The following FGD5 variants were observed in gnomAD, a reference collection of about 807,000 sequenced individuals.
FGD5 encodes the protein FYVE, RhoGEF and PH domain containing 5.
A neutral mutation model predicts 133.4 loss-of-function variants in FGD5; 28 were observed. That is an observed-to-expected ratio of 0.21 (90% CI 0.16 to 0.29). The LOEUF (loss-of-function observed/expected upper bound fraction) is 0.29, where lower values mean the gene tolerates loss of function less well. Among genes scored for constraint, FGD5 ranks in the 10% least tolerant of loss-of-function variants. The probability of loss-of-function intolerance (pLI) is 1.00; values close to 1 mark genes in which losing one functional copy is unlikely to be tolerated. For missense variants in FGD5, 1,858 were observed against 1,895.2 expected (o/e 0.98, Z 0.36); for synonymous variants, 810 against 776.5 (o/e 1.04, Z -0.72).
At chr3:14,929,803 C>T (rs1408134026) in intron 18 of FGD5, among the ~76,000 whole-genome samples, 1 of 152,122 alleles carries the variant, frequency 6.6e-6, no homozygotes, top group Non-Finnish European at 1.5e-5. Context: ...CTGTGGCTTC[C>T]CTGTTCATTT....
chr3:14,916,195 A>G (rs562329877), intron 11 of FGD5, among the ~76,000 whole-genome samples: 65 of 152,324 alleles, frequency 4.3e-4, no homozygotes, highest in African/African-American at 1.5e-3. Flanking sequence ...ACGATAAAGT[A>G]ATGGTGGTGG....
rs2038163998 is a variant in FGD5 at position 14,897,735 on chromosome 3, C to T, written c.2909+66C>T. On this transcript the variant is annotated intron_variant, in intron 5 of 19. Transcript: ENST00000285046. ...CTGGGGGAATGGAGACGGATAAAAA[C>T]ACCACCATATGAAATAGTATCTCCA... is the stretch of plus-strand genomic sequence containing the variant. The T allele has an allele frequency of 5.3e-6, 8 of 1,507,576 alleles. No homozygotes were observed. The South Asian group carries it at 8.9e-5, about 17-fold the overall frequency. The allele number at this position is 1,507,576 out of a possible 1,614,324, so 93.4% of individuals were successfully genotyped here.
intron 4 of FGD5, chr3:14,896,950 C>T (rs1428571924): frequency 6.6e-6 from 1 of 152,478 alleles, no homozygotes; most frequent in African/African-American, 2.4e-5. Flanking sequence ...TCACTTTTTA[C>T]ACAGTATATC....
At chr3:14,881,897 G>A (rs987658857) in intron 4 of FGD5, among the ~76,000 whole-genome samples, 1 of 152,148 alleles carries the variant, frequency 6.6e-6, no homozygotes, top group African/African-American at 2.4e-5. Context: ...CCATCTCTGG[G>A]TGTACCAGAG....
chr3:14,911,814 G>A (rs998659737), intron 11 of FGD5, among the ~76,000 whole-genome samples: 1 of 149,666 alleles, frequency 6.7e-6, no homozygotes, highest in Admixed American at 6.7e-5. Context: ...GAGGACTAAG[G>A]AGGGCCAGGG....
At chr3:14,867,791 C>T (rs544292744) in intron 2 of FGD5, among the ~76,000 whole-genome samples, 1 of 152,312 alleles carries the variant, frequency 6.6e-6, no homozygotes, top group South Asian at 2.1e-4. Flanking sequence ...AGGCAAAGAC[C>T]TCTCATCTCC....
intron 1 of FGD5, among the ~76,000 whole-genome samples, chr3:14,847,671 C>T (rs1013276569): frequency 2.0e-5 from 3 of 152,180 alleles, no homozygotes; most frequent in African/African-American, 7.2e-5. Flanking sequence ...AGAAAACTTG[C>T]CCAGGGTTGT....
At chr3:14,853,924 C>T (rs1347191332) in intron 1 of FGD5, among the ~76,000 whole-genome samples, 1 of 151,712 alleles carries the variant, frequency 6.6e-6, no homozygotes, top group East Asian at 1.9e-4. Context: ...ATTGATATTC[C>T]CTTTACAGCA....
chr3:14,913,840 C>T (rs1433244913), intron 11 of FGD5, among the ~76,000 whole-genome samples: 4 of 152,164 alleles, frequency 2.6e-5, no homozygotes, highest in Non-Finnish European at 4.4e-5. Flanking sequence ...CAGCTCCTCC[C>T]CTTCAAGCCA....
At chr3:14,888,199 C>T (rs1170992365) in intron 4 of FGD5, among the ~76,000 whole-genome samples, 2 of 150,342 alleles carry the variant, frequency 1.3e-5, no homozygotes, top group Non-Finnish European at 1.5e-5. Flanking sequence ...GCTCAGATTC[C>T]GCCCTCAGAG....
chr3:14,836,671 G>T (rs1327286204), intron 1 of FGD5, among the ~76,000 whole-genome samples: 1 of 152,208 alleles, frequency 6.6e-6, no homozygotes, highest in African/African-American at 2.4e-5. Flanking sequence ...AAGAGGGGAA[G>T]AGAGAAGTGC....
At position 14,820,592 on chromosome 3, in the gene FGD5, G is replaced by A. The variant is rs1037126516; in HGVS notation, c.1521G>A (p.Ser507=). 26 of 1,608,174 alleles carry A rather than the reference G, an allele frequency of 1.6e-5. No homozygotes were observed. The highest frequency in any genetic ancestry group is 1.2e-4 in the African/African-American group (9 of 74,776). ...VPEETGPEAG[S]SAPGIGGAAE... The stretch of plus-strand genomic sequence containing the variant: ...AAGAAACCGGACCTGAGGCGGGCTC[G>A]TCAGCCCCTGGCATTGGAGGTGCCG... Residue 507 remains serine (S), a synonymous_variant, in exon 1 of 20, where the codon TCG becomes TCA. Transcript: ENST00000285046.
intron 18 of FGD5, 146 bp downstream of exon 18, chr3:14,926,344 C>T: frequency 9.9e-7 from 1 of 1,007,782 alleles, no homozygotes; most frequent in South Asian, 1.5e-5. Context: ...GTGAGCAATG[C>T]CATGTGCTCA....
chr3:14,909,294 A>T (rs2125142692), intron 10 of FGD5, among the ~76,000 whole-genome samples: 1 of 152,348 alleles, frequency 6.6e-6, no homozygotes, highest in South Asian at 2.1e-4. Context: ...ACACAAAAAC[A>T]CAACAGAATA....
chr3:14,893,205 AGTTT>A (rs2038063027), intron 4 of FGD5, among the ~76,000 whole-genome samples: 1 of 152,294 alleles, frequency 6.6e-6, no homozygotes, highest in African/African-American at 2.4e-5. Context: ...AGATGTACAT[AGTTT>A]CAGGGTATGT....
At chr3:14,880,992 G>C (rs974064722) in intron 4 of FGD5, among the ~76,000 whole-genome samples, 3 of 152,180 alleles carry the variant, frequency 2.0e-5, no homozygotes, top group African/African-American at 7.2e-5. Context: ...TGGGGTGCAT[G>C]GGGGCATGGT....
chr3:14,918,725 C>A (rs1209148164), intron 12 of FGD5, 29 bp from the exon 13 acceptor site: 1 of 1,613,178 alleles, frequency 6.2e-7, no homozygotes, highest in East Asian at 2.2e-5. Flanking sequence ...CCTGCCCCAC[C>A]CTGAAGGAGG....
At chr3:14,860,168 C>T (rs2037369885) in intron 1 of FGD5, among the ~76,000 whole-genome samples, 1 of 152,154 alleles carries the variant, frequency 6.6e-6, no homozygotes, top group South Asian at 2.1e-4. Context: ...GGGATGAGGC[C>T]CCACAAGTCC....
intron 4 of FGD5, chr3:14,882,327 G>T: frequency 1.0e-6 from 1 of 985,206 alleles, no homozygotes. Flanking sequence ...CCTGCTTCCT[G>T]CCAGTTGGAA....
Sources: allele counts gnomAD v4.1 joint callset (sites outside exome capture counted in the v4.1 genomes callset), GRCh38; gene constraint gnomAD v4.1.1; transcripts MANE v1.5; gene names NCBI Gene and HGNC (gene_info 2026-07-23, HGNC 2026-07-21).